Variants in SPATA6 observed in about 807,000 individuals in gnomAD.
SPATA6 encodes the protein spermatogenesis associated 6.
Under a neutral mutation model 65.3 loss-of-function variants are expected in SPATA6, and 56 were observed. That is an observed-to-expected ratio of 0.86 (90% CI 0.69 to 1.07). The LOEUF is 1.07. Ranked by LOEUF, SPATA6 falls within the 50% of genes least tolerant of loss-of-function variation. The pLI, the probability that SPATA6 is intolerant of heterozygous loss-of-function variation, is 0.00. For missense variants in SPATA6, 590 were observed against 594.8 expected (o/e 0.99, Z 0.08); for synonymous variants, 199 against 213.2 (o/e 0.93, Z 0.58).
chr1:48,322,832 A>C (rs557348703), intron 11 of SPATA6, among the ~76,000 whole-genome samples: 16 of 152,366 alleles, frequency 1.1e-4, no homozygotes, highest in African/African-American at 2.2e-4. Flanking sequence ...GCTCATCATC[A>C]TTGGTCATTA....
At chr1:48,299,516 G>GAAAA (rs58072004) in intron 12 of SPATA6, among the ~76,000 whole-genome samples, 4,082 of 38,162 alleles carry the variant, frequency 0.11, 680 homozygotes, top group African/African-American at 0.26. Flanking sequence ...CTCCGTCTCG[G>GAAAA]AAAAAAAAAA....
chr1:48,421,741 A>G (rs1358328078), intron 3 of SPATA6, among the ~76,000 whole-genome samples: 3 of 152,172 alleles, frequency 2.0e-5, no homozygotes, highest in African/African-American at 7.2e-5. Flanking sequence ...AGAAAAATAT[A>G]ATAGTTAAAA....
At chr1:48,308,821 A>G (rs931298461) in intron 11 of SPATA6, among the ~76,000 whole-genome samples, 3 of 152,132 alleles carry the variant, frequency 2.0e-5, no homozygotes, top group African/African-American at 7.2e-5. Context: ...TGAGGAACAC[A>G]TTTATGTGAT....
intron 2 of SPATA6, 136 bp from the exon 3 acceptor site, chr1:48,451,736 C>T (rs923949914): frequency 1.1e-5 from 8 of 710,300 alleles, no homozygotes; most frequent in Admixed American, 1.0e-4. Context: ...CTCTCTCCTT[C>T]CCATCACTAC....
intron 1 of SPATA6, among the ~76,000 whole-genome samples, chr1:48,453,527 T>TA (rs1301505457): frequency 6.6e-6 from 1 of 151,378 alleles, no homozygotes; most frequent in East Asian, 1.9e-4. Flanking sequence ...TATAGAATTT[T>TA]AAAAAACGCT....
chr1:48,359,818 T>C (rs1185038850), intron 9 of SPATA6, 48 bp from the exon 10 acceptor site: 4 of 1,418,130 alleles, frequency 2.8e-6, no homozygotes, highest in East Asian at 2.5e-5. Flanking sequence ...CAGATACATA[T>C]GTATATAACA....
intron 3 of SPATA6, among the ~76,000 whole-genome samples, chr1:48,419,197 A>C (rs1481196576): frequency 6.6e-6 from 1 of 152,210 alleles, no homozygotes; most frequent in Non-Finnish European, 1.5e-5. Context: ...AACCCTAACA[A>C]GGTAAGTACT....
intron 1 of SPATA6, among the ~76,000 whole-genome samples, chr1:48,454,587 A>C (rs1656859356): frequency 6.6e-6 from 1 of 152,178 alleles, no homozygotes; most frequent in Non-Finnish European, 1.5e-5. Context: ...CATTGTGTAC[A>C]TGCATTTTAA....
chr1:48,395,466 C>T, intron 7 of SPATA6, 112 bp from the exon 8 acceptor site: 1 of 551,090 alleles, frequency 1.8e-6, no homozygotes, highest in African/African-American at 2.0e-5. Flanking sequence ...ATCAGGGAAA[C>T]ATGATGGTGC....
At chr1:48,267,652 G>A in the SPATA6 span, among the ~76,000 whole-genome samples, 2 of 151,232 alleles carry the variant, frequency 1.3e-5, no homozygotes, top group African/African-American at 4.9e-5. Flanking sequence ...GTGCACTTCC[G>A]CTACTCTGCT....
At chr1:48,376,006 G>A (rs1647853486) in intron 9 of SPATA6, among the ~76,000 whole-genome samples, 3 of 152,000 alleles carry the variant, frequency 2.0e-5, no homozygotes, top group African/African-American at 7.2e-5. Flanking sequence ...TAAAAGATTT[G>A]CTAGCCAAGG....
chr1:48,442,505 G>C (rs1001095809), intron 3 of SPATA6, among the ~76,000 whole-genome samples: 2 of 151,432 alleles, frequency 1.3e-5, no homozygotes, highest in African/African-American at 4.9e-5. Context: ...GCAGAGGCAG[G>C]GAAAGACCAG....
rs553837450 is a variant in SPATA6 at position 48,415,749 on chromosome 1, A to C, written c.239-2598T>G. 3.5e-4 allele frequency among the ~76,000 whole-genome samples: 53 copies of C among 152,018 alleles called. 1 individual carries two copies. The South Asian group carries it at 3.9e-3, about 11-fold the overall frequency. On this transcript the variant is annotated intron_variant, in intron 3 of 12. Transcript: ENST00000371847. ...AAAGAGAAGAAACAGAAAAAAAAAA[A>C]CACAAAAGTGCCTGAAGCAATAATG...
chr1:48,400,669 G>A (rs1275421931), intron 6 of SPATA6: 3 of 656,270 alleles, frequency 4.6e-6, no homozygotes, highest in East Asian at 1.6e-4. Flanking sequence ...ATAGGATGAA[G>A]AAGAGTCAAA....
chr1:48,467,870 T>C (rs1361380239), intron 1 of SPATA6, among the ~76,000 whole-genome samples: 1 of 152,104 alleles, frequency 6.6e-6, no homozygotes, highest in Non-Finnish European at 1.5e-5. Context: ...GAACGACTAC[T>C]ATAATAAATT....
the SPATA6 span, among the ~76,000 whole-genome samples, chr1:48,280,345 A>C: frequency 1.3e-5 from 2 of 152,214 alleles, no homozygotes; most frequent in African/African-American, 2.4e-5. Flanking sequence ...AGCAGAACTG[A>C]AGGAAATAGA....
intron 11 of SPATA6, among the ~76,000 whole-genome samples, chr1:48,313,234 C>T (rs1193308197): frequency 6.6e-6 from 1 of 152,122 alleles, no homozygotes; most frequent in Admixed American, 6.5e-5. Flanking sequence ...CTCCAAGACA[C>T]ATAATTGTCA....
chr1:48,396,085 A>G (rs1419058310), intron 7 of SPATA6, among the ~76,000 whole-genome samples: 3 of 151,810 alleles, frequency 2.0e-5, no homozygotes, highest in African/African-American at 7.2e-5. Context: ...CAAATGGCCA[A>G]TAAGAACATG....
At position 48,298,869 on chromosome 1, in the gene SPATA6, A is replaced by G; in HGVS notation, c.1311T>C (p.Thr437=). Residue 437 remains threonine, a synonymous_variant, in exon 13 of 13, where the codon ACT becomes ACC. Coordinates refer to ENST00000371847, the MANE Select transcript of SPATA6 (RefSeq NM_019073.4). ...EYSSCQQPRG[T]FHLDDGEYWS... is the part of the protein sequence containing the mutation. ...AGTATTCACCGTCATCCAAATGGAAAGTGCCACGTGGCTGCTGACATGAGC... is the reference window on the plus strand; with the variant it reads ...AGTATTCACCGTCATCCAAATGGAAGGTGCCACGTGGCTGCTGACATGAGC... 1 of 1,613,488 alleles carries G rather than the reference A, an allele frequency of 6.2e-7. No homozygotes were observed. The highest frequency in any genetic ancestry group is 1.1e-5 in the South Asian group (1 of 90,910).
Sources: allele counts gnomAD v4.1 joint callset (sites outside exome capture counted in the v4.1 genomes callset), GRCh38; gene constraint gnomAD v4.1.1; transcripts MANE v1.5; gene names NCBI Gene and HGNC (gene_info 2026-07-23, HGNC 2026-07-21).